PKDREJ: variants seen among roughly 807,000 people sequenced by gnomAD.
The protein encoded by PKDREJ is PKD and REJ homolog.
For synonymous variants in PKDREJ, 1,031 were observed against 1,095.5 expected (o/e 0.94, Z 1.16); for missense variants, 2,507 against 2,807.2 (o/e 0.89, Z 2.42).
rs1304056150 is a variant in PKDREJ, at chr22:46,263,126, G to T, written c.197C>A (p.Ala66Glu). The T allele has an allele frequency of 7.8e-5, 96 of 1,234,334 alleles. No individual in the cohort carries two copies. The highest frequency in any genetic ancestry group is 9.2e-5 in the Non-Finnish European group (91 of 989,306). 76.5% of individuals were successfully genotyped at this position (1,234,334 alleles called of 1,614,324 possible). Reference sequence around the variant, plus strand: ...GCGGCCGCTCAGGACAGCGCCGCCCGCCCGCACCGCGCTGGGCCGCAGACT... The same window carrying T: ...GCGGCCGCTCAGGACAGCGCCGCCCTCCCGCACCGCGCTGGGCCGCAGACT... ...LLSLRPSAVR[A>E]GGAVLSGRGS... is the part of the protein sequence containing the mutation. The change falls in exon 1 of 1, where the codon GCG (alanine) becomes GAG (glutamate). Residue 66 changes from alanine (A) to glutamate (E), a missense_variant. Coordinates refer to ENST00000253255, the MANE Select transcript of PKDREJ (RefSeq NM_006071.2). The surrounding 1 kb of genome is among the most constrained non-coding windows in gnomAD (Gnocchi z 9.4).
Position 46,257,855 on chromosome 22 carries a change from C to T in PKDREJ, c.5468G>A (p.Cys1823Tyr). The change falls in exon 1 of 1, where the codon TGT (cysteine) becomes TAT (tyrosine). Residue 1823 changes from cysteine (C) to tyrosine (Y), a missense_variant. Transcript: ENST00000253255. This position sits in a 1 kb window ranked among gnomAD's most constrained non-coding sequence, Gnocchi z 4.7. ...VQNSIRREIH[C>Y]HPKYGIDPED... ...TGGGTCAATGCCATATTTGGGGTGA[C>T]AATGAATTTCTCTTCTGATGCTGTT... The T allele has an allele frequency of 6.2e-7, 1 of 1,614,162 alleles. No individual in the cohort carries two copies. Among genetic ancestry groups the T allele is most frequent in the Non-Finnish European group, 8.5e-7 (1 of 1,180,036 alleles).
rs1326293794 is a variant in PKDREJ, at chr22:46,257,372, C to A, written c.5951G>T (p.Cys1984Phe). ...FFLAYVVDEG[C>F]IIMQERASYV... ...GGAGGCTCTTTCTTGCATAATGATA[C>A]AACCCTCATCAACAACGTAGGCTAA... The change falls in exon 1 of 1, where the codon TGT (cysteine) becomes TTT (phenylalanine). Residue 1984 changes from cysteine (C) to phenylalanine (F), a missense_variant. Coordinates refer to ENST00000253255, the MANE Select transcript of PKDREJ (RefSeq NM_006071.2). This position sits in a 1 kb window ranked among gnomAD's most constrained non-coding sequence, Gnocchi z 4.7. The A allele has an allele frequency of 1.4e-5, 23 of 1,614,014 alleles. No individual in the cohort carries two copies. The highest frequency in any genetic ancestry group is 1.9e-5 in the Non-Finnish European group (23 of 1,180,040).
rs747408034 is a variant in PKDREJ, at chr22:46,260,033, A to G, written c.3290T>C (p.Ile1097Thr). 2 of 1,614,014 alleles carry G rather than the reference A, an allele frequency of 1.2e-6. No homozygotes were observed. The highest frequency in any genetic ancestry group is 1.1e-5 in the South Asian group (1 of 91,084). The change falls in exon 1 of 1, where the codon ATT becomes ACT. Residue 1097 changes from isoleucine to threonine, a missense_variant. Physicochemically the swap from Ile to Thr is moderately conservative, Grantham distance 89. Coordinates refer to ENST00000253255, the MANE Select transcript of PKDREJ (RefSeq NM_006071.2). This position sits in a 1 kb window ranked among gnomAD's most constrained non-coding sequence, Gnocchi z 4.5. ...CAAGCACTGGACGCTGAAAATAGAA[A>G]TTCTCACTAGCTTGTCATTGAGCTT... ...VMKLNDKLVR[I>T]SIFSVQCLDM...
chr22:46,260,229 G>A lies in PKDREJ; in HGVS notation c.3094C>T (p.His1032Tyr). ...TALVATFLVP[H>Y]DIPPFASQSA... Reference sequence around the variant, plus strand: ...TGGCTGGCAAATGGAGGGATGTCATGAGGCACCAGGAAGGTGGCGACCAGC... The same window carrying A: ...TGGCTGGCAAATGGAGGGATGTCATAAGGCACCAGGAAGGTGGCGACCAGC... The change falls in exon 1 of 1, where the codon CAT becomes TAT. Residue 1032 changes from histidine (H) to tyrosine (Y), a missense_variant. By Grantham distance (83) the His-to-Tyr change is moderately conservative. Coordinates refer to ENST00000253255, the MANE Select transcript of PKDREJ (RefSeq NM_006071.2). This position sits in a 1 kb window ranked among gnomAD's most constrained non-coding sequence, Gnocchi z 4.5. The A allele has an allele frequency of 1.2e-6, 2 of 1,614,186 alleles. No homozygotes were observed. The highest frequency in any genetic ancestry group is 1.7e-6 in the Non-Finnish European group (2 of 1,180,040).
In PKDREJ at chr22:46,262,735, G is replaced by T. The variant is rs1358691954; in HGVS notation, c.588C>A (p.Val196=). The T allele has an allele frequency of 5.6e-6, 9 of 1,607,798 alleles. No individual in the cohort carries two copies. The highest frequency in any genetic ancestry group is 7.6e-6 in the Non-Finnish European group (9 of 1,177,782). ...CGACGGCTCTGTGGCTGGACGAGTT[G>T]ACGGCCTGCAACATCACGCGCGCGG... ...DGPARVMLQA[V]NSSSHRAVES... Residue 196 remains valine, a synonymous_variant, in exon 1 of 1, where the codon GTC becomes GTA. Coordinates refer to ENST00000253255, the MANE Select transcript of PKDREJ (RefSeq NM_006071.2). This position sits in a 1 kb window ranked among gnomAD's most constrained non-coding sequence, Gnocchi z 8.1.
Position 46,257,247 on chromosome 22 carries a change from T to C in PKDREJ, c.6076A>G (p.Ile2026Val), listed in dbSNP as rs1936642643. 2.5e-6 allele frequency: 4 copies of C among 1,614,158 alleles called. No homozygotes were observed. The highest frequency in any genetic ancestry group is 3.4e-6 in the Non-Finnish European group (4 of 1,180,046). Residue 2026 changes from isoleucine (I) to valine (V), a missense_variant, in exon 1 of 1, where the codon ATA becomes GTA. Transcript: ENST00000253255. The surrounding 1 kb of genome is among the most constrained non-coding windows in gnomAD (Gnocchi z 4.7). ...GGGTTCGACAAGTAAAACCGAATTA[T>C]GCCAGTGGCCAGGAAATGTTTCCTG... ...FLRKHFLATG[I>V]IRFYLSNPED...
chr22:46,261,770 G>A lies in PKDREJ; in HGVS notation c.1553C>T (p.Ala518Val). The A allele has an allele frequency of 6.2e-7, 1 of 1,613,982 alleles. No individual in the cohort carries two copies. The highest frequency in any genetic ancestry group is 8.5e-7 in the Non-Finnish European group (1 of 1,180,012). ...MGETVTGRNG[A>V]YLSIKAFAFR... ...AGCAAAAGCTTTTATAGACAGATAA[G>A]CACCATTCCTTCCTGTTACAGTTTC... The change falls in exon 1 of 1, where the codon GCT (alanine) becomes GTT (valine). Residue 518 changes from alanine (A) to valine (V), a missense_variant. Physicochemically the swap from Ala to Val is moderately conservative, Grantham distance 64 (BLOSUM62 0). Coordinates refer to ENST00000253255, the MANE Select transcript of PKDREJ (RefSeq NM_006071.2). The surrounding 1 kb of genome is among the most constrained non-coding windows in gnomAD (Gnocchi z 7.1).
Position 46,258,176 on chromosome 22 carries a change from G to C in PKDREJ, c.5147C>G (p.Thr1716Ser). The C allele has an allele frequency of 6.2e-7, 1 of 1,614,188 alleles. No homozygotes were observed. Among genetic ancestry groups the C allele is most frequent in the South Asian group, 1.1e-5 (1 of 91,090 alleles). Residue 1716 changes from threonine to serine, a missense_variant, in exon 1 of 1, where the codon ACT becomes AGT. Thr to Ser is a moderately conservative substitution (Grantham distance 58). Coordinates refer to ENST00000253255, the MANE Select transcript of PKDREJ (RefSeq NM_006071.2). The surrounding 1 kb of genome is among the most constrained non-coding windows in gnomAD (Gnocchi z 6.1). ...RALLFLSYIL[T>S]HFIFLALLLI... ...CAGAAGGGCTAGAAAGATAAAGTGA[G>C]TTAGAATGTAACTCAGAAACAGGAG...
Position 46,260,506 on chromosome 22 carries a change from G to A in PKDREJ, c.2817C>T (p.Asn939=), listed in dbSNP as rs766133714. The A allele has an allele frequency of 1.6e-5, 26 of 1,613,964 alleles. No homozygotes were observed. The highest frequency in any genetic ancestry group is 2.2e-5 in the East Asian group (1 of 44,902). ...SGFRMTGVAD[N]GSVLEITPDV... ...CAGGTGTGATCTCTAGCACACTACCGTTATCTGCAACTCCTGTCATTCTGA... is the reference window on the plus strand; with the variant it reads ...CAGGTGTGATCTCTAGCACACTACCATTATCTGCAACTCCTGTCATTCTGA... Residue 939 remains asparagine, a synonymous_variant, in exon 1 of 1, where the codon AAC becomes AAT. Coordinates refer to ENST00000253255, the MANE Select transcript of PKDREJ (RefSeq NM_006071.2). This position sits in a 1 kb window ranked among gnomAD's most constrained non-coding sequence, Gnocchi z 4.5.
At position 46,262,994 on chromosome 22, in the gene PKDREJ, A is replaced by G. The variant is rs541646668; in HGVS notation, c.329T>C (p.Leu110Pro). 7.5e-4 allele frequency: 907 copies of G among 1,210,958 alleles called. 6 individuals are homozygous for G. In the Middle Eastern group the frequency reaches 0.01, roughly 14 times the overall value. The allele number at this position is 1,210,958 out of a possible 1,614,324, so 75.0% of individuals were successfully genotyped here. A position where few individuals can be genotyped will look rare whatever the true frequency, so the allele number is the denominator to read the frequency against. The change falls in exon 1 of 1, where the codon CTC (leucine) becomes CCC (proline). Residue 110 changes from leucine (L) to proline (P), a missense_variant. Leu to Pro is a moderately conservative substitution (Grantham distance 98). Coordinates refer to ENST00000253255, the MANE Select transcript of PKDREJ (RefSeq NM_006071.2). The surrounding 1 kb of genome is among the most constrained non-coding windows in gnomAD (Gnocchi z 8.1). ...QRLPWPAAPA[L>P]ALVDLQLSAR... ...GGAGAGCTGCAGGTCGACGAGCGCG[A>G]GCGCGGGCGCGGCCGGCCAGGGCAG...
Position 46,255,692 on chromosome 22 carries a change from ATAAAGCT to A in PKDREJ, c.*862_*868del, listed in dbSNP as rs1215076100. 2 of 152,356 alleles carry A rather than the reference ATAAAGCT, an allele frequency of 1.3e-5. No homozygotes were observed. Among genetic ancestry groups the A allele is most frequent in the Non-Finnish European group, 2.9e-5 (2 of 68,032 alleles). 9.4% of individuals were successfully genotyped at this position (152,356 alleles called of 1,614,324 possible). A position where few individuals can be genotyped will look rare whatever the true frequency, so the allele number is the denominator to read the frequency against. ...AGAAGAAATCTCACATTTAATTCTGATAAAGCTTAAAGTGGCATCTACATAAATGAAC... is the reference window on the plus strand; with the variant it reads ...AGAAGAAATCTCACATTTAATTCTGATAAAGTGGCATCTACATAAATGAAC... On this transcript the variant is annotated 3_prime_UTR_variant, in exon 1 of 1. Coordinates refer to ENST00000253255, the MANE Select transcript of PKDREJ (RefSeq NM_006071.2).
chr22:46,262,453 G>C lies in PKDREJ; in HGVS notation c.870C>G (p.Phe290Leu). The C allele has an allele frequency of 6.2e-7, 1 of 1,604,268 alleles. No individual in the cohort carries two copies. The highest frequency in any genetic ancestry group is 8.5e-7 in the Non-Finnish European group (1 of 1,174,364). Residue 290 changes from phenylalanine to leucine, a missense_variant, in exon 1 of 1, where the codon TTC becomes TTG. Phe to Leu is a conservative substitution (Grantham distance 22, BLOSUM62 0). Coordinates refer to ENST00000253255, the MANE Select transcript of PKDREJ (RefSeq NM_006071.2). The surrounding 1 kb of genome is among the most constrained non-coding windows in gnomAD (Gnocchi z 8.1). Reference sequence around the variant, plus strand: ...GTAACGAATTATTGGGGATGTGAATGAACAAGGGGCTGTTCCTGATCTCGA... The same window carrying C: ...GTAACGAATTATTGGGGATGTGAATCAACAAGGGGCTGTTCCTGATCTCGA... ...PQLEIRNSPL[F>L]IHIPNNSLQW...
Position 46,259,926 on chromosome 22 carries a change from T to TG in PKDREJ, c.3396dup (p.Ile1133HisfsTer9), listed in dbSNP as rs1380589438. On this transcript the variant is annotated frameshift_variant, in exon 1 of 1. Coordinates refer to ENST00000253255, the MANE Select transcript of PKDREJ (RefSeq NM_006071.2). LOFTEE classifies it low-confidence loss of function (END_TRUNC). This position sits in a 1 kb window ranked among gnomAD's most constrained non-coding sequence, Gnocchi z 6.8. The stretch of plus-strand genomic sequence containing the variant: ...CTAGCCCTTACTACATTCTTGCAGA[T>TG]GCAGTGCACCTCATACCAGCTGGTC... 6.2e-7 allele frequency: 1 copy of TG among 1,613,934 alleles called. No individual in the cohort carries two copies. The highest frequency in any genetic ancestry group is 1.3e-5 in the African/African-American group (1 of 74,932).
Position 46,260,321 on chromosome 22 carries a change from A to G in PKDREJ, c.3002T>C (p.Ile1001Thr), listed in dbSNP as rs1279513727. 1.2e-6 allele frequency: 2 copies of G among 1,614,178 alleles called. No homozygotes were observed. The highest frequency in any genetic ancestry group is 2.2e-5 in the East Asian group (1 of 44,884). Reference sequence around the variant, plus strand: ...GAACAGCACCATCACTTCTGTTACTATGTGGACCAGAACCTCCCTAAGCAC... The same window carrying G: ...GAACAGCACCATCACTTCTGTTACTGTGTGGACCAGAACCTCCCTAAGCAC... ...STVLREVLVH[I>T]VTEVMVLFTV... The change falls in exon 1 of 1, where the codon ATA (isoleucine) becomes ACA (threonine). Residue 1001 changes from isoleucine (I) to threonine (T), a missense_variant. Transcript: ENST00000253255. The surrounding 1 kb of genome is among the most constrained non-coding windows in gnomAD (Gnocchi z 4.5).
rs146200280 is a variant in PKDREJ at position 46,259,290 on chromosome 22, C to T, written c.4033G>A (p.Val1345Ile). 102 of 1,614,134 alleles carry T rather than the reference C, an allele frequency of 6.3e-5. 2 individuals carry two copies. The highest frequency in any genetic ancestry group is 5.3e-4 in the South Asian group (48 of 91,068). Reference sequence around the variant, plus strand: ...GTCAGACGCTCATCTGGATGGGTAACGTGAAATGTTCTGTCCAAAGTGGTA... The same window carrying T: ...GTCAGACGCTCATCTGGATGGGTAATGTGAAATGTTCTGTCCAAAGTGGTA... Reference protein sequence around the residue: ...VDTTLDRTFHVTHPDERLTRK... With the variant: ...VDTTLDRTFHITHPDERLTRK... The change falls in exon 1 of 1, where the codon GTT becomes ATT. Residue 1345 changes from valine to isoleucine, a missense_variant. Coordinates refer to ENST00000253255, the MANE Select transcript of PKDREJ (RefSeq NM_006071.2). The surrounding 1 kb of genome is among the most constrained non-coding windows in gnomAD (Gnocchi z 6.8).
Position 46,259,278 on chromosome 22 carries a change from C to G in PKDREJ, c.4045G>C (p.Asp1349His). 6.2e-7 allele frequency: 1 copy of G among 1,614,208 alleles called. No individual in the cohort carries two copies. The highest frequency in any genetic ancestry group is 8.5e-7 in the Non-Finnish European group (1 of 1,180,038). The change falls in exon 1 of 1, where the codon GAT (aspartate) becomes CAT (histidine). Residue 1349 changes from aspartate to histidine, a missense_variant. Coordinates refer to ENST00000253255, the MANE Select transcript of PKDREJ (RefSeq NM_006071.2). The surrounding 1 kb of genome is among the most constrained non-coding windows in gnomAD (Gnocchi z 6.8). The part of the protein sequence containing the change: ...LDRTFHVTHP[D>H]ERLTRKDFFF... ...AAGTCTTTTCTAGTCAGACGCTCAT[C>G]TGGATGGGTAACGTGAAATGTTCTG...
At position 46,258,559 on chromosome 22, in the gene PKDREJ, A is replaced by C; in HGVS notation, c.4764T>G (p.Ser1588=). Residue 1588 remains serine (S), a synonymous_variant, in exon 1 of 1, where the codon TCT becomes TCG. Transcript: ENST00000253255. This position sits in a 1 kb window ranked among gnomAD's most constrained non-coding sequence, Gnocchi z 6.1. The stretch of plus-strand genomic sequence containing the variant: ...ATACAATGAAGAATGAGGATATGCT[A>C]GAAGTAGCAAAAACCAAAAACCATG... ...YVAWFLVFAT[S]SISSFFIVFY... is the part of the protein sequence containing the mutation. 1 of 1,614,256 alleles carries C rather than the reference A, an allele frequency of 6.2e-7. No homozygotes were observed. Among genetic ancestry groups the C allele is most frequent in the Non-Finnish European group, 8.5e-7 (1 of 1,180,042 alleles).
chr22:46,263,133 C>A lies in PKDREJ; in HGVS notation c.190G>T (p.Val64Leu). Residue 64 changes from valine to leucine, a missense_variant, in exon 1 of 1, where the codon GTG becomes TTG. Val to Leu is a conservative substitution (Grantham distance 32). Coordinates refer to ENST00000253255, the MANE Select transcript of PKDREJ (RefSeq NM_006071.2). This position sits in a 1 kb window ranked among gnomAD's most constrained non-coding sequence, Gnocchi z 9.4. ...CTCAGGACAGCGCCGCCCGCCCGCACCGCGCTGGGCCGCAGACTGAGGAGG... is the reference window on the plus strand; with the variant it reads ...CTCAGGACAGCGCCGCCCGCCCGCAACGCGCTGGGCCGCAGACTGAGGAGG... ...RALLSLRPSA[V>L]RAGGAVLSGR... 14 of 1,221,672 alleles carry A rather than the reference C, an allele frequency of 1.1e-5. No individual in the cohort carries two copies. The highest frequency in any genetic ancestry group is 1.4e-5 in the Non-Finnish European group (14 of 983,166). 75.7% of individuals were successfully genotyped at this position (1,221,672 alleles called of 1,614,324 possible).
chr22:46,260,207 C>T lies in PKDREJ; in HGVS notation c.3116G>A (p.Ser1039Asn). 6.2e-7 allele frequency: 1 copy of T among 1,614,160 alleles called. No individual in the cohort carries two copies. Among genetic ancestry groups the T allele is most frequent in the Non-Finnish European group, 8.5e-7 (1 of 1,180,034 alleles). Reference protein sequence around the residue: ...LVPHDIPPFASQSALFDPACT... With the variant: ...LVPHDIPPFANQSALFDPACT... ...GGCTGGGTCAAACAGGGCACTCTGGCTGGCAAATGGAGGGATGTCATGAGG... is the reference window on the plus strand; with the variant it reads ...GGCTGGGTCAAACAGGGCACTCTGGTTGGCAAATGGAGGGATGTCATGAGG... The change falls in exon 1 of 1, where the codon AGC (serine) becomes AAC (asparagine). Residue 1039 changes from serine (S) to asparagine (N), a missense_variant. By Grantham distance (46) the Ser-to-Asn change is conservative (BLOSUM62 1). Coordinates refer to ENST00000253255, the MANE Select transcript of PKDREJ (RefSeq NM_006071.2). The surrounding 1 kb of genome is among the most constrained non-coding windows in gnomAD (Gnocchi z 4.5).
Sources: allele counts gnomAD v4.1 joint callset, GRCh38; gene constraint gnomAD v4.1.1; non-coding constraint Gnocchi (gnomAD v3.1); transcripts MANE v1.5; gene names NCBI Gene and HGNC (gene_info 2026-07-23, HGNC 2026-07-21).